The following NTN1 variants were observed in gnomAD, a reference collection of about 807,000 sequenced individuals.
NTN1 encodes the protein netrin 1.
In NTN1, 11 loss-of-function variants were observed where a neutral mutation model predicts 54.2. The observed-to-expected ratio is 0.20, with a 90% confidence interval of 0.13 to 0.34. NTN1 has a LOEUF of 0.34. NTN1 is among the 10% of genes least tolerant of loss of function. The pLI is 1.00. For missense variants in NTN1, 740 were observed against 893.1 expected (o/e 0.83, Z 2.18); for synonymous variants, 371 against 382.0 (o/e 0.97, Z 0.33).
At chr17:9,103,545 C>T (rs889724972) in intron 2 of NTN1, among the ~76,000 whole-genome samples, 7 of 152,150 alleles carry the variant, frequency 4.6e-5, no homozygotes, top group Admixed American at 3.3e-4. Flanking sequence ...GTGTTTGCTT[C>T]CCCTTCTGCC....
In NTN1 at chr17:9,097,326, T is replaced by TA. The variant is rs576274730; in HGVS notation, c.1019-65481dup. On this transcript the variant is annotated intron_variant, in intron 2 of 6. Coordinates refer to ENST00000173229, the MANE Select transcript of NTN1 (RefSeq NM_004822.3). ...AAATGCAGTGTGCTTCTATTTATGT[T>TA]AAAAAATATGAAGATATTCTGGGCG... Among the ~76,000 whole-genome samples the TA allele has an allele frequency of 4.2e-4, 64 of 152,292 alleles. 1 individual carries two copies. Among genetic ancestry groups the TA allele is most frequent in the African/African-American group, 1.5e-3 (63 of 41,558 alleles).
intron 2 of NTN1, among the ~76,000 whole-genome samples, chr17:9,105,999 G>GC (rs1409174963): frequency 2.0e-5 from 3 of 152,098 alleles, no homozygotes; most frequent in African/African-American, 7.2e-5. Context: ...CCAAAGCATG[G>GC]CCCCCCAACC....
chr17:9,068,101 A>C (rs1475502254), intron 2 of NTN1, among the ~76,000 whole-genome samples: 1 of 152,166 alleles, frequency 6.6e-6, no homozygotes, highest in Non-Finnish European at 1.5e-5. Flanking sequence ...ATAAATGTTC[A>C]TTGGATGAAT....
intron 5 of NTN1, among the ~76,000 whole-genome samples, chr17:9,198,242 C>T (rs949238701): frequency 4.6e-5 from 7 of 152,138 alleles, no homozygotes; most frequent in South Asian, 2.1e-4. Context: ...CCTGATCACG[C>T]GGGAGCTTGG....
intron 2 of NTN1, among the ~76,000 whole-genome samples, chr17:9,034,757 T>A (rs1406173943): frequency 1.3e-5 from 2 of 151,958 alleles, no homozygotes; most frequent in Non-Finnish European, 1.5e-5. Context: ...TATTGTAGTG[T>A]AACACATGTA....
intron 2 of NTN1, among the ~76,000 whole-genome samples, chr17:9,104,839 T>A (rs989591984): frequency 6.6e-6 from 1 of 151,868 alleles, no homozygotes; most frequent in East Asian, 1.9e-4. Context: ...TTCTAGGGAG[T>A]GCGAGGTTGG....
At chr17:9,193,090 A>AAG (rs1555574892) in intron 5 of NTN1, among the ~76,000 whole-genome samples, 12 of 143,422 alleles carry the variant, frequency 8.4e-5, no homozygotes, top group East Asian at 2.0e-4. Context: ...AAAAAAAAAA[A>AAG]AAAAAGAAAA....
intron 5 of NTN1, among the ~76,000 whole-genome samples, chr17:9,207,700 G>A (rs1000867448): frequency 3.3e-5 from 5 of 152,276 alleles, no homozygotes; most frequent in South Asian, 2.1e-4. Flanking sequence ...CTGGAGCCGC[G>A]GATTGTATCC....
At chr17:9,122,696 A>G (rs1000569600) in intron 2 of NTN1, among the ~76,000 whole-genome samples, 7 of 152,260 alleles carry the variant, frequency 4.6e-5, no homozygotes, top group African/African-American at 1.4e-4. Context: ...CAAAAAGAAG[A>G]AAACGCAAGT....
chr17:9,187,199 A>T (rs893674242), intron 5 of NTN1, among the ~76,000 whole-genome samples: 1 of 152,008 alleles, frequency 6.6e-6, no homozygotes, highest in Non-Finnish European at 1.5e-5. Flanking sequence ...GAAAGGCGGG[A>T]TTGGGGTGGG....
At position 9,022,396 on chromosome 17, in the gene NTN1, C is replaced by T. The variant is rs1044181487; in HGVS notation, c.23C>T (p.Ala8Val). Residue 8 changes from alanine (A) to valine (V), a missense_variant, in exon 2 of 7, where the codon GCG becomes GTG. Coordinates refer to ENST00000173229, the MANE Select transcript of NTN1 (RefSeq NM_004822.3). MMRAVWE[A>V]LAALAAVACL... ...AGCATGATGCGCGCAGTGTGGGAGG[C>T]GCTGGCGGCGCTGGCGGCGGTGGCG... The T allele has an allele frequency of 7.5e-7, 1 of 1,333,312 alleles. No homozygotes were observed. Among genetic ancestry groups the T allele is most frequent in the Non-Finnish European group, 9.5e-7 (1 of 1,052,390 alleles). The allele number at this position is 1,333,312 out of a possible 1,614,324, so 82.6% of individuals were successfully genotyped here.
chr17:9,095,571 C>T (rs1439381493), intron 2 of NTN1, among the ~76,000 whole-genome samples: 1 of 152,216 alleles, frequency 6.6e-6, no homozygotes, highest in East Asian at 1.9e-4. Flanking sequence ...CAATGATACA[C>T]ATCTGTGTTC....
the NTN1 span, among the ~76,000 whole-genome samples, chr17:9,006,828 G>T: frequency 1.3e-5 from 2 of 152,178 alleles, no homozygotes; most frequent in Non-Finnish European, 2.9e-5. Flanking sequence ...GGTACTCAGG[G>T]TTACAGTAGG....
intron 5 of NTN1, among the ~76,000 whole-genome samples, chr17:9,207,415 A>G (rs1439433560): frequency 1.3e-5 from 2 of 152,236 alleles, no homozygotes; most frequent in Non-Finnish European, 2.9e-5. Flanking sequence ...AAAGATAATG[A>G]GAGCCAACAT....
At chr17:9,071,675 C>T (rs1032688626) in intron 2 of NTN1, among the ~76,000 whole-genome samples, 4 of 152,218 alleles carry the variant, frequency 2.6e-5, no homozygotes, top group African/African-American at 9.6e-5. Context: ...ACCCTGCCCG[C>T]ATGCCCTTTC....
intron 5 of NTN1, among the ~76,000 whole-genome samples, chr17:9,200,578 G>A (rs369201002): frequency 6.6e-6 from 1 of 152,190 alleles, no homozygotes; most frequent in Admixed American, 6.5e-5. Flanking sequence ...GAAAGTGGGG[G>A]ATTTCTTGTT....
intron 3 of NTN1, among the ~76,000 whole-genome samples, chr17:9,166,167 AC>A (rs1597513468): frequency 1.8e-5 from 1 of 54,534 alleles, no homozygotes; most frequent in Non-Finnish European, 4.0e-5. Flanking sequence ...CACCACCACC[AC>A]CACCACCACC....
intron 5 of NTN1, among the ~76,000 whole-genome samples, chr17:9,200,188 T>C (rs1038602156): frequency 3.9e-5 from 6 of 152,244 alleles, no homozygotes; most frequent in African/African-American, 1.4e-4. Flanking sequence ...TTCTAGTCTG[T>C]GTCCACTGTT....
the NTN1 span, among the ~76,000 whole-genome samples, chr17:9,010,977 A>G: frequency 1.3e-5 from 2 of 152,072 alleles, no homozygotes; most frequent in South Asian, 2.1e-4. Context: ...TTGCAACTAG[A>G]TGGTCCTATC....
Sources: allele counts gnomAD v4.1 joint callset (sites outside exome capture counted in the v4.1 genomes callset), GRCh38; gene constraint gnomAD v4.1.1; transcripts MANE v1.5; gene names NCBI Gene and HGNC (gene_info 2026-07-23, HGNC 2026-07-21).